Variants in ADAMTSL3 observed in about 807,000 individuals in gnomAD.
ADAMTSL3 encodes ADAMTS like 3.
Under a neutral mutation model 201.7 loss-of-function variants are expected in ADAMTSL3, and 128 were observed. That is an observed-to-expected ratio of 0.63 (90% CI 0.55 to 0.73). The LOEUF is 0.73. Among genes scored for constraint, ADAMTSL3 ranks in the 30% least tolerant of loss-of-function variants. ADAMTSL3 has a pLI of 0.00. For synonymous variants in ADAMTSL3, 738 were observed against 748.4 expected (o/e 0.99, Z 0.23); for missense variants, 1,990 against 2,119.6 (o/e 0.94, Z 1.20).
intron 16 of ADAMTSL3, among the ~76,000 whole-genome samples, chr15:83,913,596 A>T (rs1402354505): frequency 6.6e-6 from 1 of 152,202 alleles, no homozygotes; most frequent in African/African-American, 2.4e-5. Context: ...AACCAAAAAA[A>T]GTATATTTGT....
Position 83,849,272 on chromosome 15 carries a change from A to G in ADAMTSL3, c.728-9494A>G, listed in dbSNP as rs574532294. ...CTCTTAAGTAGCTGGCACTACAGGC[A>G]TGTACCACCACACCTGGCTAATTTT... On this transcript the variant is annotated intron_variant, in intron 7 of 29. Coordinates refer to ENST00000286744, the MANE Select transcript of ADAMTSL3 (RefSeq NM_207517.3). Among the ~76,000 whole-genome samples the G allele has an allele frequency of 3.9e-5, 6 of 152,272 alleles. No individual in the cohort carries two copies. The South Asian group carries it at 1.2e-3, about 32-fold the overall frequency.
intron 3 of ADAMTSL3, among the ~76,000 whole-genome samples, chr15:83,725,988 T>C (rs1364403564): frequency 6.6e-6 from 1 of 152,178 alleles, no homozygotes; most frequent in Non-Finnish European, 1.5e-5. Flanking sequence ...TTTGGTATTA[T>C]GGACATTTTA....
chr15:84,019,154 A>G (rs958869355), intron 25 of ADAMTSL3, among the ~76,000 whole-genome samples: 4 of 151,946 alleles, frequency 2.6e-5, no homozygotes, highest in African/African-American at 9.7e-5. Context: ...ACAAAAGATG[A>G]TATATAGATG....
intron 4 of ADAMTSL3, among the ~76,000 whole-genome samples, chr15:83,801,730 G>A (rs1214768653): frequency 1.6e-5 from 2 of 121,314 alleles, no homozygotes; most frequent in African/African-American, 6.0e-5. Flanking sequence ...GACCAATGAA[G>A]AACTAATAGA....
intron 2 of ADAMTSL3, chr15:83,694,464 T>A (rs920187718): frequency 2.0e-5 from 3 of 152,178 alleles, no homozygotes; most frequent in Non-Finnish European, 4.4e-5. Context: ...CTATTTTCAG[T>A]TTTTTTCCTG....
At chr15:83,881,954 C>G (rs2065280998) in intron 9 of ADAMTSL3, among the ~76,000 whole-genome samples, 1 of 151,966 alleles carries the variant, frequency 6.6e-6, no homozygotes, top group East Asian at 1.9e-4. Context: ...GAGATCGAGA[C>G]CATCCTGGCT....
chr15:83,874,257 A>G (rs541321555), intron 9 of ADAMTSL3, among the ~76,000 whole-genome samples: 4 of 145,000 alleles, frequency 2.8e-5, no homozygotes, highest in Non-Finnish European at 6.0e-5. Flanking sequence ...GCAGAAAAGG[A>G]GCTTTTGCTC....
At position 83,819,098 on chromosome 15, in the gene ADAMTSL3, C is replaced by T. The variant is rs373681248; in HGVS notation, c.364-713C>T. Among the ~76,000 whole-genome samples the T allele has an allele frequency of 2.3e-3, 343 of 152,076 alleles. 6 individuals are homozygous for T. Among genetic ancestry groups the T allele is most frequent in the African/African-American group, 7.0e-3 (291 of 41,504 alleles). Reference sequence around the variant, plus strand: ...CATCCTGGCCAACGTGGTGAAACCCCGTCTCTACTAGAAATACAAAAATAA... The same window carrying T: ...CATCCTGGCCAACGTGGTGAAACCCTGTCTCTACTAGAAATACAAAAATAA... On this transcript the variant is annotated intron_variant, in intron 5 of 29. Coordinates refer to ENST00000286744, the MANE Select transcript of ADAMTSL3 (RefSeq NM_207517.3).
intron 3 of ADAMTSL3, among the ~76,000 whole-genome samples, chr15:83,740,504 G>A (rs2062437614): frequency 6.6e-6 from 1 of 152,116 alleles, no homozygotes; most frequent in Admixed American, 6.5e-5. Context: ...TTTTGCTAAA[G>A]CAGTATTAAG....
chr15:83,838,508 G>T (rs2064319754), intron 7 of ADAMTSL3, among the ~76,000 whole-genome samples: 1 of 152,000 alleles, frequency 6.6e-6, no homozygotes. Context: ...TCTTTTATTT[G>T]TCTTCCTTTG....
At chr15:83,678,207 T>C (rs1275474338) in intron 2 of ADAMTSL3, among the ~76,000 whole-genome samples, 1 of 152,146 alleles carries the variant, frequency 6.6e-6, no homozygotes, top group Non-Finnish European at 1.5e-5. Context: ...TATTCTATTA[T>C]CTTCACCCCT....
intron 2 of ADAMTSL3, among the ~76,000 whole-genome samples, chr15:83,679,763 C>T (rs13380414): frequency 0.096 from 14,633 of 152,150 alleles, 835 homozygotes; most frequent in African/African-American, 0.14. Context: ...TCCCCAGCCC[C>T]CACTCTATTT....
intron 5 of ADAMTSL3, among the ~76,000 whole-genome samples, chr15:83,815,212 T>C (rs888555602): frequency 6.6e-6 from 1 of 152,242 alleles, no homozygotes; most frequent in African/African-American, 2.4e-5. Flanking sequence ...CTTGCTGATA[T>C]GGAATCTATT....
At position 83,695,336 on chromosome 15, in the gene ADAMTSL3, G is replaced by T. The variant is rs367572376; in HGVS notation, c.70-9053G>T. Among the ~76,000 whole-genome samples, 31 of 95,936 alleles carry T rather than the reference G, an allele frequency of 3.2e-4. No individual in the cohort carries two copies. The East Asian group carries it at 8.7e-3, about 27-fold the overall frequency. 62.9% of individuals were successfully genotyped at this position (95,936 alleles called of 152,430 possible). On this transcript the variant is annotated intron_variant, in intron 2 of 29. Coordinates refer to ENST00000286744, the MANE Select transcript of ADAMTSL3 (RefSeq NM_207517.3). Reference sequence around the variant, plus strand: ...AAATTCCAGAGAAAATGCATGTTTTGTGGCAGAAGGAGGAGTGGTGCTATG... The same window carrying T: ...AAATTCCAGAGAAAATGCATGTTTTTTGGCAGAAGGAGGAGTGGTGCTATG...
At chr15:83,742,977 A>T (rs577443498) in intron 3 of ADAMTSL3, among the ~76,000 whole-genome samples, 1 of 152,284 alleles carries the variant, frequency 6.6e-6, no homozygotes, top group East Asian at 1.9e-4. Context: ...CAGCATTTGC[A>T]GAGAAGCTTT....
chr15:83,746,519 C>G (rs1426003763), intron 3 of ADAMTSL3, among the ~76,000 whole-genome samples: 1 of 152,100 alleles, frequency 6.6e-6, no homozygotes, highest in East Asian at 1.9e-4. Flanking sequence ...ATAACTGGAT[C>G]AAAATCACCA....
At chr15:83,932,685 C>T (rs2066383589) in intron 17 of ADAMTSL3, among the ~76,000 whole-genome samples, 1 of 152,148 alleles carries the variant, frequency 6.6e-6, no homozygotes, top group South Asian at 2.1e-4. Flanking sequence ...TCTATGTGAT[C>T]CAAAAAATTA....
At chr15:83,971,573 AAAAAG>A (rs2067196963) in intron 20 of ADAMTSL3, among the ~76,000 whole-genome samples, 2 of 147,274 alleles carry the variant, frequency 1.4e-5, no homozygotes, top group African/African-American at 4.9e-5. Context: ...AAAAAAAAAA[AAAAAG>A]AAAGAAAGAA....
intron 19 of ADAMTSL3, among the ~76,000 whole-genome samples, chr15:83,960,450 G>A (rs937017769): frequency 1.3e-5 from 2 of 152,142 alleles, no homozygotes; most frequent in Admixed American, 1.3e-4. Flanking sequence ...TGGCAGTCCT[G>A]AAAGGCCTGT....
Sources: allele counts gnomAD v4.1 joint callset (sites outside exome capture counted in the v4.1 genomes callset), GRCh38; gene constraint gnomAD v4.1.1; transcripts MANE v1.5; gene names NCBI Gene and HGNC (gene_info 2026-07-23, HGNC 2026-07-21).